Variants in MEGF6 observed in about 807,000 individuals in gnomAD.
MEGF6 encodes the protein multiple EGF like domains 6.
A neutral mutation model predicts 207.1 loss-of-function variants in MEGF6; 184 were observed. That is an observed-to-expected ratio of 0.89 (90% CI 0.79 to 1.00). The LOEUF is 1.00. MEGF6 is among the 50% of genes least tolerant of loss of function. The pLI, the probability that MEGF6 is intolerant of heterozygous loss-of-function variation, is 0.00. For synonymous variants in MEGF6, 1,038 were observed against 910.0 expected (o/e 1.14, Z -2.53); for missense variants, 2,282 against 2,202.9 (o/e 1.04, Z -0.72).
chr1:3,542,344 G>C (rs1642555408), intron 4 of MEGF6, among the ~76,000 whole-genome samples: 1 of 152,246 alleles, frequency 6.6e-6, no homozygotes, highest in Non-Finnish European at 1.5e-5. Context: ...TAATGCGAGG[G>C]TTGGACCCAT....
At chr1:3,529,377 T>C (rs983828431) in intron 4 of MEGF6, among the ~76,000 whole-genome samples, 23 of 152,170 alleles carry the variant, frequency 1.5e-4, no homozygotes, top group African/African-American at 4.8e-4. Flanking sequence ...GCAAATCCAC[T>C]GTCCCTGTCC....
intron 1 of MEGF6, among the ~76,000 whole-genome samples, chr1:3,606,230 G>A (rs116611577): frequency 0.012 from 1,794 of 152,310 alleles, 19 homozygotes; most frequent in Non-Finnish European, 0.018. Flanking sequence ...CCTCTCCTGG[G>A]AACCTGCAGA....
intron 4 of MEGF6, among the ~76,000 whole-genome samples, chr1:3,539,751 A>T (rs1208919966): frequency 6.6e-6 from 1 of 152,136 alleles, no homozygotes; most frequent in Non-Finnish European, 1.5e-5. Flanking sequence ...CTTCTAGGAC[A>T]AGGGCAAGGC....
chr1:3,607,194 A>G (rs1644261866), intron 1 of MEGF6, among the ~76,000 whole-genome samples: 1 of 150,788 alleles, frequency 6.6e-6, no homozygotes, highest in Non-Finnish European at 1.5e-5. Context: ...CAGCAAGACG[A>G]CAATGCTGAA....
chr1:3,599,332 G>A (rs2101867612), intron 2 of MEGF6, among the ~76,000 whole-genome samples: 1 of 152,346 alleles, frequency 6.6e-6, no homozygotes, highest in South Asian at 2.1e-4. Flanking sequence ...GGGTGACCCT[G>A]CACCAGGCAA....
intron 36 of MEGF6, 47 bp downstream of exon 36, chr1:3,490,865 T>A (rs1640327214): frequency 5.1e-6 from 8 of 1,553,882 alleles, no homozygotes; most frequent in East Asian, 2.4e-5. Flanking sequence ...GACTTTGCCA[T>A]AACCCACCCT....
intron 3 of MEGF6, among the ~76,000 whole-genome samples, chr1:3,580,746 G>A (rs1326007342): frequency 1.3e-5 from 2 of 148,954 alleles, no homozygotes; most frequent in South Asian, 2.1e-4. Context: ...GCAGGGCCAG[G>A]GTGGGATGGC....
intron 4 of MEGF6, chr1:3,531,427 C>T: frequency 1.8e-6 from 2 of 1,124,572 alleles, no homozygotes; most frequent in Non-Finnish European, 2.2e-6. Context: ...GGGCGCGCCC[C>T]GCCCCTCGCC....
rs1272205391 is a variant in MEGF6, at chr1:3,510,981, C to A, written c.1115-79G>T. On this transcript the variant is annotated intron_variant, in intron 9 of 36. Coordinates refer to ENST00000356575, the MANE Select transcript of MEGF6 (RefSeq NM_001409.4). ...GCCCCCACCCACACACAACTGCATA[C>A]GACCACACACAACCCACGCGCCCGA... 8 of 1,526,456 alleles carry A rather than the reference C, an allele frequency of 5.2e-6. No homozygotes were observed. In the African/African-American group the frequency reaches 9.6e-5, roughly 18 times the overall value. The allele number at this position is 1,526,456 out of a possible 1,614,324, so 94.6% of individuals were successfully genotyped here. A position where few individuals can be genotyped will look rare whatever the true frequency, so the allele number is the denominator to read the frequency against.
At chr1:3,557,802 C>G (rs999027800) in intron 4 of MEGF6, among the ~76,000 whole-genome samples, 2 of 152,200 alleles carry the variant, frequency 1.3e-5, no homozygotes, top group African/African-American at 4.8e-5. Flanking sequence ...AGAAGCGGCC[C>G]GTGGGCAGAC....
intron 4 of MEGF6, among the ~76,000 whole-genome samples, chr1:3,567,806 A>C (rs1431196839): frequency 6.6e-6 from 1 of 152,194 alleles, no homozygotes; most frequent in African/African-American, 2.4e-5. Flanking sequence ...TGGTGCAGGC[A>C]GGACAGGCCT....
At chr1:3,496,942 C>T (rs1359547760) in intron 28 of MEGF6, 46 bp downstream of exon 28, 2 of 1,538,688 alleles carry the variant, frequency 1.3e-6, no homozygotes, top group Non-Finnish European at 8.8e-7. Context: ...GCCCAGCACG[C>T]CAGGCAGCAC....
intron 5 of MEGF6, among the ~76,000 whole-genome samples, chr1:3,516,146 G>A (rs1024048787): frequency 1.1e-4 from 17 of 152,240 alleles, no homozygotes; most frequent in African/African-American, 3.9e-4. Flanking sequence ...ATTCCTTCAT[G>A]CACATTCCTG....
At position 3,506,090 on chromosome 1, in the gene MEGF6, AG is replaced by A; in HGVS notation, c.1918+17del. 6.3e-7 allele frequency: 1 copy of A among 1,578,746 alleles called. No individual in the cohort carries two copies. The highest frequency in any genetic ancestry group is 8.6e-7 in the Non-Finnish European group (1 of 1,162,078). ...CGCTGCCACCACCATGGACACTGGA[AG>A]GGGCAGTGAGACTCACTGAGGTGGC... On this transcript the variant is annotated intron_variant, in intron 15 of 36. Coordinates refer to ENST00000356575, the MANE Select transcript of MEGF6 (RefSeq NM_001409.4).
chr1:3,538,320 CA>C (rs1206535850), intron 4 of MEGF6, among the ~76,000 whole-genome samples: 1 of 148,702 alleles, frequency 6.7e-6, no homozygotes, highest in African/African-American at 2.5e-5. Context: ...CTATCAGGAG[CA>C]GGGGGGGCCC....
intron 1 of MEGF6, among the ~76,000 whole-genome samples, chr1:3,605,753 T>TA (rs200964265): frequency 0.024 from 3,646 of 152,294 alleles, 71 homozygotes; most frequent in Non-Finnish European, 0.033. Context: ...CACACTCACT[T>TA]ACACACTTTG....
At chr1:3,515,131 T>A (rs1376983283) in intron 6 of MEGF6, among the ~76,000 whole-genome samples, 1 of 152,114 alleles carries the variant, frequency 6.6e-6, no homozygotes, top group Non-Finnish European at 1.5e-5. Context: ...AAGCCCCCCC[T>A]TTCCACGCAA....
intron 4 of MEGF6, among the ~76,000 whole-genome samples, chr1:3,527,456 G>A (rs1557751530): frequency 6.6e-6 from 1 of 152,222 alleles, no homozygotes; most frequent in East Asian, 1.9e-4. Flanking sequence ...CCCACTCTGG[G>A]GAGACCCCGA....
chr1:3,574,769 G>A (rs959593708), intron 4 of MEGF6, among the ~76,000 whole-genome samples: 10 of 152,078 alleles, frequency 6.6e-5, no homozygotes, highest in Non-Finnish European at 1.5e-4. Flanking sequence ...CAGCCTCCTG[G>A]GTAGCTGGAA....
Sources: gnomAD v4.1 joint callset for allele counts (sites outside exome capture counted in the v4.1 genomes callset) on GRCh38, gnomAD v4.1.1 for gene constraint, MANE v1.5 for transcripts, NCBI Gene and HGNC (gene_info 2026-07-23, HGNC 2026-07-21) for gene names.